Variants in CDH20 observed in about 807,000 individuals in gnomAD.
The protein encoded by CDH20 is cadherin 20, also known as cadherin-20.
CDH20 carries 29 observed loss-of-function variants against 74.2 expected under a neutral mutation model. That is an observed-to-expected ratio of 0.39 (90% confidence interval 0.29 to 0.53). The LOEUF is 0.53. Among genes scored for constraint, CDH20 ranks in the 20% least tolerant of loss-of-function variants. The pLI is 0.69. For synonymous variants in CDH20, 469 were observed against 405.4 expected (o/e 1.16, Z -1.88); for missense variants, 988 against 1,048.3 (o/e 0.94, Z 0.79).
chr18:61,437,394 G>A (rs1908874196), intron 1 of CDH20, among the ~76,000 whole-genome samples: 2 of 152,100 alleles, frequency 1.3e-5, no homozygotes, highest in Admixed American at 1.3e-4. Flanking sequence ...CACTCTTGAT[G>A]AGAATGCATA....
At chr18:61,469,405 C>A (rs933781595) in intron 1 of CDH20, among the ~76,000 whole-genome samples, 11 of 131,534 alleles carry the variant, frequency 8.4e-5, no homozygotes, top group East Asian at 2.1e-4. Flanking sequence ...ACACACACAC[C>A]CCTATATAAA....
intron 1 of CDH20, among the ~76,000 whole-genome samples, chr18:61,400,572 T>A (rs1050864343): frequency 1.3e-5 from 2 of 152,136 alleles, no homozygotes; most frequent in Non-Finnish European, 2.9e-5. Context: ...ATTTCTGTAG[T>A]TGAAAAAGAG....
intron 1 of CDH20, among the ~76,000 whole-genome samples, chr18:61,444,112 A>C (rs1909120180): frequency 6.6e-6 from 1 of 152,086 alleles, no homozygotes; most frequent in Admixed American, 6.5e-5. Flanking sequence ...GTACATTCTT[A>C]AGTAAATACT....
intron 6 of CDH20, among the ~76,000 whole-genome samples, chr18:61,518,841 T>G (rs540712010): frequency 6.6e-6 from 1 of 151,252 alleles, no homozygotes; most frequent in Non-Finnish European, 1.5e-5. Context: ...TGGGGCATGT[T>G]CTAACACAAT....
chr18:61,388,118 A>AGATTAAT (rs1911662475), intron 1 of CDH20, among the ~76,000 whole-genome samples: 1 of 152,210 alleles, frequency 6.6e-6, no homozygotes, highest in Non-Finnish European at 1.5e-5. Flanking sequence ...GGGAAGGAGA[A>AGATTAAT]GATTAATTCT....
At chr18:61,545,794 C>G (rs1913228958) in intron 10 of CDH20, among the ~76,000 whole-genome samples, 1 of 152,166 alleles carries the variant, frequency 6.6e-6, no homozygotes, top group Non-Finnish European at 1.5e-5. Context: ...AGTTTTGGCA[C>G]TGAAACAGCT....
chr18:61,378,904 G>A (rs145826708), intron 1 of CDH20, among the ~76,000 whole-genome samples: 23 of 152,098 alleles, frequency 1.5e-4, no homozygotes, highest in Non-Finnish European at 2.9e-4. Flanking sequence ...AGGGTTGTTT[G>A]CCAGGAATAG....
chr18:61,506,626 A>G (rs1462121097), intron 5 of CDH20, among the ~76,000 whole-genome samples: 1 of 152,278 alleles, frequency 6.6e-6, no homozygotes, highest in East Asian at 1.9e-4. Flanking sequence ...ATACGAATTC[A>G]TGGAGATGAA....
At chr18:61,464,490 T>A (rs1162046304) in intron 1 of CDH20, among the ~76,000 whole-genome samples, 1 of 152,170 alleles carries the variant, frequency 6.6e-6, no homozygotes, top group East Asian at 1.9e-4. Context: ...AAACTTCACA[T>A]GTCACTGCTA....
chr18:61,515,276 G>A (rs529992264), intron 6 of CDH20, among the ~76,000 whole-genome samples: 33 of 152,188 alleles, frequency 2.2e-4, no homozygotes, highest in East Asian at 1.6e-3. Flanking sequence ...GGTGCTGTCC[G>A]TCACCCCTTT....
chr18:61,364,213 G>A (rs1055335195), intron 1 of CDH20, among the ~76,000 whole-genome samples: 1 of 152,168 alleles, frequency 6.6e-6, no homozygotes, highest in East Asian at 1.9e-4. Flanking sequence ...TCAGCATTGG[G>A]GGTGGGGCCT....
chr18:61,407,483 A>G (rs914835085), intron 1 of CDH20, among the ~76,000 whole-genome samples: 1 of 152,226 alleles, frequency 6.6e-6, no homozygotes, highest in Admixed American at 6.5e-5. Context: ...TTAATTTTAA[A>G]TTGTATTGGC....
intron 1 of CDH20, among the ~76,000 whole-genome samples, chr18:61,401,621 T>C (rs12963552): frequency 0.21 from 32,622 of 152,202 alleles, 3,785 homozygotes; most frequent in Middle Eastern, 0.34. Context: ...ATAAGTAATG[T>C]TGATTTTCCA....
chr18:61,341,667 C>CA (rs1168792173), intron 1 of CDH20, among the ~76,000 whole-genome samples: 4 of 152,186 alleles, frequency 2.6e-5, no homozygotes, highest in African/African-American at 9.7e-5. Context: ...GAGCATGTGT[C>CA]TTGTAGGCTT....
chr18:61,386,922 T>C (rs1599051194), intron 1 of CDH20, among the ~76,000 whole-genome samples: 1 of 152,176 alleles, frequency 6.6e-6, no homozygotes, highest in African/African-American at 2.4e-5. Flanking sequence ...GTGTGGCAGG[T>C]ATATAGTTGA....
At chr18:61,548,974 T>C (rs994579107) in intron 10 of CDH20, among the ~76,000 whole-genome samples, 1 of 152,242 alleles carries the variant, frequency 6.6e-6, no homozygotes, top group South Asian at 2.1e-4. Flanking sequence ...TTTTTTGTGA[T>C]GTTCTAGACT....
At chr18:61,471,695 A>G (rs1316704261) in intron 1 of CDH20, among the ~76,000 whole-genome samples, 4 of 152,308 alleles carry the variant, frequency 2.6e-5, no homozygotes, top group East Asian at 1.9e-4. Context: ...ACAATCCCCA[A>G]TGATATTACC....
chr18:61,459,013 T>C (rs756445691), intron 1 of CDH20, among the ~76,000 whole-genome samples: 1 of 152,232 alleles, frequency 6.6e-6, no homozygotes, highest in Non-Finnish European at 1.5e-5. Context: ...AACTTCTTTT[T>C]AATACCATCT....
chr18:61,538,627 T>TG (rs1555684322), intron 8 of CDH20, among the ~76,000 whole-genome samples: 2 of 107,918 alleles, frequency 1.9e-5, no homozygotes, highest in Admixed American at 1.0e-4. Flanking sequence ...TTTGTTTTGT[T>TG]TTTTTTTTTG....
Sources: allele counts gnomAD v4.1 joint callset (sites outside exome capture counted in the v4.1 genomes callset), GRCh38; gene constraint gnomAD v4.1.1; transcripts MANE v1.5; gene names NCBI Gene and HGNC (gene_info 2026-07-23, HGNC 2026-07-21).